The following RYR2 variants were observed in gnomAD, a reference collection of about 807,000 sequenced individuals.
The protein encoded by RYR2 is ryanodine receptor 2.
RYR2 carries 227 observed loss-of-function variants against 601.1 expected under a neutral mutation model. That is an observed-to-expected ratio of 0.38 (90% confidence interval 0.34 to 0.42). The LOEUF (loss-of-function observed/expected upper bound fraction) is 0.42, where lower values mean the gene tolerates loss of function less well. Among genes scored for constraint, RYR2 ranks in the 10% least tolerant of loss-of-function variants. The pLI, the probability that RYR2 is intolerant of heterozygous loss-of-function variation, is 1.00. For synonymous variants in RYR2, 2,223 were observed against 2,175.1 expected, an observed-to-expected ratio of 1.02 and a Z score of -0.61; for missense variants, 4,646 against 6,156.5, an observed-to-expected ratio of 0.75 and a Z score of 8.21.
chr1:237,047,968 A>G (rs887046486), intron 1 of RYR2, among the ~76,000 whole-genome samples: 9 of 152,298 alleles, frequency 5.9e-5, no homozygotes, highest in African/African-American at 2.2e-4. Context: ...AATGTTCCCA[A>G]AGCGACTCTT....
rs1374630883 is a variant in RYR2 at position 237,553,212 on chromosome 1, G to A, written c.3214+2521G>A. ...AGTTTTATTATTCTAGCTTTTACTT[G>A]TAGGTGTGTGATCTAAAGTGAGTTA... On this transcript the variant is annotated intron_variant, in intron 27 of 104. Transcript: ENST00000366574. 2.0e-5 allele frequency among the ~76,000 whole-genome samples: 3 copies of A among 151,926 alleles called. No individual in the cohort carries two copies. In the East Asian group the frequency reaches 5.8e-4, roughly 29 times the overall value.
Position 237,431,270 on chromosome 1 carries a change from T to G in RYR2, c.1005+8022T>G, listed in dbSNP as rs1365535039. ...TCCCATGAACTAGAGACACTAACTC[T>G]TCCAATTATTTCTTTTAAAATGACT... On this transcript the variant is annotated intron_variant, in intron 12 of 104. Coordinates refer to ENST00000366574, the MANE Select transcript of RYR2 (RefSeq NM_001035.3). 3.3e-5 allele frequency among the ~76,000 whole-genome samples: 5 copies of G among 152,216 alleles called. 1 individual carries two copies. The South Asian group carries it at 8.3e-4, about 25-fold the overall frequency.
In RYR2 at chr1:237,639,219, AC is replaced by A; in HGVS notation, c.7115+21del. On this transcript the variant is annotated intron_variant, in intron 46 of 104. Coordinates refer to ENST00000366574, the MANE Select transcript of RYR2 (RefSeq NM_001035.3). The stretch of plus-strand genomic sequence containing the variant: ...AAAACACTGTAGGTCTAATATACAC[AC>A]CCTCACGAGTGATCCATACTACTTG... 2 of 1,595,926 alleles carry A rather than the reference AC, an allele frequency of 1.3e-6. No individual in the cohort carries two copies. Among genetic ancestry groups the A allele is most frequent in the African/African-American group, 2.7e-5 (2 of 74,556 alleles).
At chr1:237,272,072 G>A (rs978373176) in intron 2 of RYR2, among the ~76,000 whole-genome samples, 4 of 152,126 alleles carry the variant, frequency 2.6e-5, no homozygotes, top group African/African-American at 9.7e-5. Context: ...GAAGATTGCA[G>A]TGAGCCAAGA....
At chr1:237,124,848 G>A (rs1671238345) in intron 1 of RYR2, among the ~76,000 whole-genome samples, 1 of 152,128 alleles carries the variant, frequency 6.6e-6, no homozygotes, top group African/African-American at 2.4e-5. Context: ...CCCCTGGCAA[G>A]CCAATTCTAC....
At chr1:237,736,745 C>G (rs1314765061) in intron 79 of RYR2, among the ~76,000 whole-genome samples, 1 of 152,160 alleles carries the variant, frequency 6.6e-6, no homozygotes, top group African/African-American at 2.4e-5. Flanking sequence ...AAATAGGACT[C>G]ACGGACTGTG....
Position 237,674,745 on chromosome 1 carries a change from T to C in RYR2, c.8729T>C (p.Leu2910Pro). The change falls in exon 60 of 105, where the codon CTG becomes CCG. Residue 2910 changes from leucine (L) to proline (P), a missense_variant. Coordinates refer to ENST00000366574, the MANE Select transcript of RYR2 (RefSeq NM_001035.3). ...GYAVSRGFKD[L>P]ELDTPSIEKR... is the part of the protein sequence containing the mutation. ...TGCTCTTCCAGAGGATTTAAGGACC[T>C]GGAACTGGACACGCCTTCTATTGAG... 6.2e-7 allele frequency: 1 copy of C among 1,609,942 alleles called. No homozygotes were observed. Among genetic ancestry groups the C allele is most frequent in the East Asian group, 2.2e-5 (1 of 44,822 alleles).
intron 65 of RYR2, 139 bp downstream of exon 65, chr1:237,700,606 T>C (rs1687884533): frequency 3.3e-6 from 2 of 606,242 alleles, no homozygotes; most frequent in Non-Finnish European, 6.0e-6. Context: ...CAAAACGTTA[T>C]AGGTTGACAT....
chr1:237,086,638 C>T (rs80235574), intron 1 of RYR2, among the ~76,000 whole-genome samples: 3,125 of 152,196 alleles, frequency 0.021, 96 homozygotes, highest in East Asian at 0.078. Context: ...TAATCCAAGC[C>T]AGGGCTTGCA....
intron 1 of RYR2, among the ~76,000 whole-genome samples, chr1:237,215,718 G>A (rs1447479626): frequency 6.6e-6 from 1 of 152,078 alleles, no homozygotes; most frequent in Non-Finnish European, 1.5e-5. Context: ...TTGGGATATG[G>A]TAGGTACTTT....
chr1:237,157,295 C>CAAAAAAAAAAAAAAAA (rs33922740), intron 1 of RYR2, among the ~76,000 whole-genome samples: 26 of 63,506 alleles, frequency 4.1e-4, no homozygotes, highest in South Asian at 8.4e-4. Flanking sequence ...GACTCCATCT[C>CAAAAAAAAAAAAAAAA]AAAAAAAAAA....
At chr1:237,072,682 C>T (rs78802215) in intron 1 of RYR2, among the ~76,000 whole-genome samples, 1,939 of 152,216 alleles carry the variant, frequency 0.013, 58 homozygotes, top group African/African-American at 0.045. Context: ...TTTAAAAATA[C>T]TCGCCTGTAA....
In RYR2 at chr1:237,602,054, G is replaced by A. The variant is rs1272771676; in HGVS notation, c.4626G>A (p.Ala1542=). The change falls in exon 35 of 105, where the codon GCG becomes GCA. Residue 1542 remains alanine, a synonymous_variant. Transcript: ENST00000366574. The part of the protein sequence containing the change: ...QVEPSTKLFP[A]VFAQATSPNV... ...AACCGAGTACAAAATTATTTCCTGC[G>A]GTTTTTGCACAAGCTACAAGTCCCA... is the stretch of plus-strand genomic sequence containing the variant. 9.9e-6 allele frequency: 16 copies of A among 1,612,360 alleles called. No individual in the cohort carries two copies. The highest frequency in any genetic ancestry group is 7.7e-5 in the South Asian group (7 of 90,852).
At chr1:237,243,683 G>T (rs1004071947) in intron 1 of RYR2, among the ~76,000 whole-genome samples, 3 of 152,166 alleles carry the variant, frequency 2.0e-5, no homozygotes, top group African/African-American at 7.2e-5. Context: ...GGTTAGGCAA[G>T]ATTAGAGTCC....
intron 2 of RYR2, among the ~76,000 whole-genome samples, chr1:237,303,592 G>A (rs1172296567): frequency 5.9e-5 from 9 of 152,142 alleles, no homozygotes; most frequent in East Asian, 1.9e-4. Flanking sequence ...GAGCCACTGC[G>A]CCCAGCTGGT....
At chr1:237,394,065 A>T (rs998600702) in intron 10 of RYR2, among the ~76,000 whole-genome samples, 1 of 152,218 alleles carries the variant, frequency 6.6e-6, no homozygotes, top group South Asian at 2.1e-4. Context: ...TCTCTCGATG[A>T]TTTTCTCAAT....
At chr1:237,064,843 T>A (rs943423559) in intron 1 of RYR2, among the ~76,000 whole-genome samples, 1 of 148,752 alleles carries the variant, frequency 6.7e-6, no homozygotes, top group Non-Finnish European at 1.5e-5. Context: ...GCCCATCACA[T>A]CCTATGATTT....
intron 1 of RYR2, among the ~76,000 whole-genome samples, chr1:237,163,816 G>A (rs924979107): frequency 1.3e-5 from 2 of 152,232 alleles, no homozygotes; most frequent in African/African-American, 2.4e-5. Context: ...GCCTGCTCAT[G>A]TGCACACAGA....
chr1:237,760,913 C>A, intron 83 of RYR2, 42 bp from the exon 84 acceptor site: 2 of 1,282,902 alleles, frequency 1.6e-6, no homozygotes, highest in Non-Finnish European at 2.2e-6. Context: ...AGAAAATGTT[C>A]TATTAGTCCT....
Sources: allele counts gnomAD v4.1 joint callset (sites outside exome capture counted in the v4.1 genomes callset), GRCh38; gene constraint gnomAD v4.1.1; transcripts MANE v1.5; gene names NCBI Gene and HGNC (gene_info 2026-07-23, HGNC 2026-07-21).